SLC25A26: variants seen among roughly 807,000 people sequenced by gnomAD.
SLC25A26 encodes solute carrier family 25 member 26, also known as mitochondrial S-adenosylmethionine carrier protein.
Under a neutral mutation model 37.8 loss-of-function variants are expected in SLC25A26, and 36 were observed. The ratio of observed to expected loss-of-function variants is 0.95; its 90% CI spans 0.73 to 1.26. The LOEUF (loss-of-function observed/expected upper bound fraction) is 1.26. Ranked by LOEUF, SLC25A26 falls within the 50% of genes most tolerant of loss-of-function variation. The pLI is 0.00. For synonymous variants in SLC25A26, 129 were observed against 122.5 expected, an observed-to-expected ratio of 1.05 and a Z score of -0.35; for missense variants, 390 against 331.1, an observed-to-expected ratio of 1.18 and a Z score of -1.38.
At position 66,243,232 on chromosome 3, in the gene SLC25A26, G is replaced by T. The variant is rs1361822697; in HGVS notation, c.220G>T (p.Val74Leu). ...AAAFFITYEY[V>L]KWFLHADSSS... Reference sequence around the variant, plus strand: ...TGCATTTTTTATCACCTATGAATATGTGAAGTGGTTTTTGCATGCTGATTC... The same window carrying T: ...TGCATTTTTTATCACCTATGAATATTTGAAGTGGTTTTTGCATGCTGATTC... Residue 74 changes from valine (V) to leucine (L), a missense_variant, in exon 3 of 10, where the codon GTG becomes TTG. Transcript: ENST00000354883. The T allele has an allele frequency of 6.2e-7, 1 of 1,608,230 alleles. No individual in the cohort carries two copies.
intron 1 of SLC25A26, among the ~76,000 whole-genome samples, chr3:66,166,530 T>G (rs562372810): frequency 6.6e-6 from 1 of 152,380 alleles, no homozygotes; most frequent in South Asian, 2.1e-4. Context: ...ACACCTTATC[T>G]GTCTTTTGGA....
At chr3:66,287,004 G>A (rs902117427) in intron 5 of SLC25A26, among the ~76,000 whole-genome samples, 3 of 151,952 alleles carry the variant, frequency 2.0e-5, no homozygotes, top group African/African-American at 7.2e-5. Context: ...TCTTAAAAAA[G>A]TCTCAAAGCA....
chr3:66,228,869 C>T (rs986388286), intron 1 of SLC25A26, among the ~76,000 whole-genome samples: 3 of 152,148 alleles, frequency 2.0e-5, no homozygotes, highest in African/African-American at 2.4e-5. Context: ...GCTGAATGTT[C>T]CTGTCATGCA....
At chr3:66,259,769 A>G (rs2073449100) in intron 3 of SLC25A26, among the ~76,000 whole-genome samples, 1 of 152,106 alleles carries the variant, frequency 6.6e-6, no homozygotes, top group South Asian at 2.1e-4. Flanking sequence ...CATTGCAGCC[A>G]GAGTGATCTC....
chr3:66,258,532 G>T (rs1039709192), intron 3 of SLC25A26, among the ~76,000 whole-genome samples: 1 of 152,162 alleles, frequency 6.6e-6, no homozygotes, highest in African/African-American at 2.4e-5. Context: ...TCTCCCGCTT[G>T]CTCCAAACAG....
At position 66,371,120 on chromosome 3, in the gene SLC25A26, C is replaced by G. The variant is rs1700323415; in HGVS notation, c.707+518C>G. 4.2e-6 allele frequency: 6 copies of G among 1,412,210 alleles called. No homozygotes were observed. In the Admixed American group the frequency reaches 9.3e-5, roughly 22 times the overall value. The allele number at this position is 1,412,210 out of a possible 1,614,324, so 87.5% of individuals were successfully genotyped here. A position where few individuals can be genotyped will look rare whatever the true frequency, so the allele number is the denominator to read the frequency against. On this transcript the variant is annotated intron_variant, in intron 9 of 9. Coordinates refer to ENST00000354883, the MANE Select transcript of SLC25A26 (RefSeq NM_001379210.1). ...AAAAGCTCTCTCTGCAAGATTAAAA[C>G]ATTGCTTTGACACCATAAACTTGTG...
At chr3:66,374,430 G>T (rs189922590) in intron 9 of SLC25A26, among the ~76,000 whole-genome samples, 177 of 152,286 alleles carry the variant, frequency 1.2e-3, no homozygotes, top group African/African-American at 3.8e-3. Flanking sequence ...ATCGACAAAT[G>T]TGGTGTGGGT....
At chr3:66,173,424 A>G (rs903332203) in intron 1 of SLC25A26, among the ~76,000 whole-genome samples, 2 of 152,334 alleles carry the variant, frequency 1.3e-5, no homozygotes, top group African/African-American at 2.4e-5. Flanking sequence ...TGACCACTAC[A>G]GTCTTGTAGG....
At chr3:66,352,428 G>GTTTTTTTTTT (rs1242977476) in intron 6 of SLC25A26, among the ~76,000 whole-genome samples, 22 of 126,674 alleles carry the variant, frequency 1.7e-4, no homozygotes, top group African/African-American at 7.6e-4. Flanking sequence ...CTCGTTTTTT[G>GTTTTTTTTTT]TTTTTTGTTT....
chr3:66,269,267 C>T (rs2073872106), intron 5 of SLC25A26, among the ~76,000 whole-genome samples: 1 of 152,166 alleles, frequency 6.6e-6, no homozygotes, highest in Non-Finnish European at 1.5e-5. Flanking sequence ...AACAGGGCTG[C>T]AACCTTGATA....
chr3:66,197,876 A>C (rs1196976929), intron 1 of SLC25A26, among the ~76,000 whole-genome samples: 1 of 152,106 alleles, frequency 6.6e-6, no homozygotes, highest in Non-Finnish European at 1.5e-5. Flanking sequence ...TCAGGGTTAG[A>C]TTCAGGGTAA....
chr3:66,209,062 A>ATATG lies in SLC25A26; in HGVS notation c.-353-11677_-353-11676insGTAT, dbSNP rs2071230435. On this transcript the variant is annotated intron_variant, in intron 1 of 10. Coordinates refer to the SLC25A26 transcript ENST00000676754. ...GGTGTATATATATATATATATATAT[A>ATATG]TATACACACACACACCCATATAAAG... 8.6e-5 allele frequency among the ~76,000 whole-genome samples: 2 copies of ATATG among 23,220 alleles called. 1 individual carries two copies. Among genetic ancestry groups the ATATG allele is most frequent in the Non-Finnish European group, 1.3e-4 (2 of 15,314 alleles). 15.2% of individuals were successfully genotyped at this position (23,220 alleles called of 152,430 possible). A position where few individuals can be genotyped will look rare whatever the true frequency, so the allele number is the denominator to read the frequency against.
intron 5 of SLC25A26, among the ~76,000 whole-genome samples, chr3:66,305,488 T>C (rs1319508356): frequency 1.3e-5 from 2 of 152,202 alleles, no homozygotes; most frequent in East Asian, 3.8e-4. Flanking sequence ...AGGATACATA[T>C]GTAGGATATG....
intron 3 of SLC25A26, among the ~76,000 whole-genome samples, chr3:66,256,605 A>G (rs1004962356): frequency 2.0e-5 from 3 of 152,216 alleles, no homozygotes; most frequent in Non-Finnish European, 4.4e-5. Context: ...GGCAAAACAA[A>G]AAAAATTAGG....
intron 5 of SLC25A26, among the ~76,000 whole-genome samples, chr3:66,322,025 A>C (rs2075708223): frequency 6.6e-6 from 1 of 152,126 alleles, no homozygotes; most frequent in African/African-American, 2.4e-5. Flanking sequence ...AGTACCTCCC[A>C]TTCCATCCTG....
intron 1 of SLC25A26, among the ~76,000 whole-genome samples, chr3:66,145,523 C>G (rs1254628370): frequency 6.6e-6 from 1 of 152,186 alleles, no homozygotes; most frequent in East Asian, 1.9e-4. Flanking sequence ...CCAAATCCTT[C>G]TGCTTTGTTT....
At chr3:66,371,930 C>G (rs1700365189) in intron 9 of SLC25A26, among the ~76,000 whole-genome samples, 1 of 152,126 alleles carries the variant, frequency 6.6e-6, no homozygotes, top group African/African-American at 2.4e-5. Flanking sequence ...GACTCTGTCT[C>G]TAAAAAATAA....
intron 3 of SLC25A26, among the ~76,000 whole-genome samples, chr3:66,255,406 C>A (rs898787492): frequency 2.6e-5 from 4 of 151,590 alleles, no homozygotes; most frequent in African/African-American, 9.7e-5. Context: ...ATGATTTAAT[C>A]AACATTTTAA....
At chr3:66,265,851 T>C (rs1179038134) in intron 5 of SLC25A26, among the ~76,000 whole-genome samples, 3 of 152,238 alleles carry the variant, frequency 2.0e-5, no homozygotes, top group African/African-American at 7.2e-5. Context: ...TCACTAAACA[T>C]GTGTTCCTTA....
Sources: allele counts gnomAD v4.1 joint callset (sites outside exome capture counted in the v4.1 genomes callset), GRCh38; gene constraint gnomAD v4.1.1; transcripts MANE v1.5; gene names NCBI Gene and HGNC (gene_info 2026-07-23, HGNC 2026-07-21).